The following COL13A1 variants were observed in gnomAD, a reference collection of about 807,000 sequenced individuals.
COL13A1 encodes collagen type XIII alpha 1 chain.
In COL13A1, 89 loss-of-function variants were observed where a neutral mutation model predicts 130.9. That is an observed-to-expected ratio of 0.68 (90% confidence interval 0.57 to 0.81). The LOEUF is 0.81. COL13A1 is among the 30% of genes least tolerant of loss of function. COL13A1 has a pLI of 0.00. For synonymous variants in COL13A1, 402 were observed against 341.6 expected, an observed-to-expected ratio of 1.18 and a Z score of -1.95; for missense variants, 879 against 934.6, an observed-to-expected ratio of 0.94 and a Z score of 0.78.
At chr10:69,849,647 G>A (rs891104493) in intron 2 of COL13A1, among the ~76,000 whole-genome samples, 13 of 152,216 alleles carry the variant, frequency 8.5e-5, no homozygotes, top group African/African-American at 2.9e-4. Flanking sequence ...TGTTGTGTTT[G>A]GGGGCTGAAG....
In COL13A1 at chr10:69,918,324, G is replaced by A. The variant is rs1243181804; in HGVS notation, c.999+7G>A. On this transcript the variant is annotated splice_region_variant and intron_variant, in intron 19 of 40. Transcript: ENST00000645393. ...TGCCGTGGCTGGGATGAAGGTCAGT[G>A]GACTGTTGTAACCAACACATCAGGG... is the stretch of plus-strand genomic sequence containing the variant. The A allele has an allele frequency of 5.6e-6, 9 of 1,613,004 alleles. No homozygotes were observed. The South Asian group carries it at 8.8e-5, about 16-fold the overall frequency.
At chr10:69,956,503 A>C (rs2070723176) in intron 39 of COL13A1, 1 of 158,270 alleles carries the variant, frequency 6.3e-6, no homozygotes. Context: ...CCCAGGATTA[A>C]TCATCAAAGA....
intron 15 of COL13A1, among the ~76,000 whole-genome samples, chr10:69,903,921 C>G (rs2062456492): frequency 6.6e-6 from 1 of 152,170 alleles, no homozygotes; most frequent in African/African-American, 2.4e-5. Flanking sequence ...CTTTCAATCT[C>G]AAAGCTTGTT....
At chr10:69,949,950 G>GCGTGTGTGTGTGTGTGCA (rs2069170276) in intron 38 of COL13A1, among the ~76,000 whole-genome samples, 2 of 107,402 alleles carry the variant, frequency 1.9e-5, no homozygotes, top group Non-Finnish European at 4.5e-5. Flanking sequence ...GTGTGTGTGC[G>GCGTGTGTGTGTGTGTGCA]TGTGTTTGTG....
At chr10:69,861,164 C>A (rs1857947372) in intron 2 of COL13A1, among the ~76,000 whole-genome samples, 1 of 152,162 alleles carries the variant, frequency 6.6e-6, no homozygotes, top group Non-Finnish European at 1.5e-5. Context: ...GTGAAGGGGG[C>A]ACCTCCAGAT....
chr10:69,810,541 A>G (rs886141368), intron 1 of COL13A1, among the ~76,000 whole-genome samples: 14 of 152,166 alleles, frequency 9.2e-5, no homozygotes, highest in African/African-American at 3.4e-4. Flanking sequence ...GGTTTGAAGA[A>G]GGGCAAGCAG....
intron 38 of COL13A1, among the ~76,000 whole-genome samples, chr10:69,949,967 T>TGTGTGTGTGCATGTGTTTGTGTGTGC (rs2069199972): frequency 8.2e-6 from 1 of 122,076 alleles, no homozygotes; most frequent in African/African-American, 3.9e-5. Flanking sequence ...TGTGTGTGCG[T>TGTGTGTGTGCATGTGTTTGTGTGTGC]GTGTGTGTGT....
At chr10:69,922,084 C>A in intron 22 of COL13A1, 149 bp downstream of exon 22, 1 of 1,104,746 alleles carries the variant, frequency 9.1e-7, no homozygotes, top group South Asian at 1.7e-5. Flanking sequence ...TTCTGTTTGT[C>A]GAGGGAGAGG....
In COL13A1 at chr10:69,813,883, T is replaced by C. The variant is rs1350589402; in HGVS notation, c.295-8486T>C. Among the ~76,000 whole-genome samples, 3 of 152,076 alleles carry C rather than the reference T, an allele frequency of 2.0e-5. No individual in the cohort carries two copies. In the East Asian group the frequency reaches 5.8e-4, roughly 29 times the overall value. On this transcript the variant is annotated intron_variant, in intron 1 of 40. Transcript: ENST00000645393. ...AGCAGCCAGGTCCTGCCTCTGTACCTCCTCACGGAAATGCCCTCCCTCCCC... is the reference window on the plus strand; with the variant it reads ...AGCAGCCAGGTCCTGCCTCTGTACCCCCTCACGGAAATGCCCTCCCTCCCC...
chr10:69,937,164 C>T (rs1225078817), intron 33 of COL13A1, among the ~76,000 whole-genome samples: 1 of 152,226 alleles, frequency 6.6e-6, no homozygotes, highest in Admixed American at 6.5e-5. Context: ...CTCTCCCGGC[C>T]TCCCCTGAAC....
At chr10:69,893,784 T>C (rs1159187176) in intron 10 of COL13A1, among the ~76,000 whole-genome samples, 2 of 152,176 alleles carry the variant, frequency 1.3e-5, no homozygotes, top group African/African-American at 4.8e-5. Flanking sequence ...ACTCGGGAGC[T>C]GGAGTGGACA....
intron 1 of COL13A1, among the ~76,000 whole-genome samples, chr10:69,812,491 T>C (rs1032717998): frequency 6.6e-6 from 1 of 152,228 alleles, no homozygotes; most frequent in Non-Finnish European, 1.5e-5. Context: ...ACTCCAGTAA[T>C]AGATCATCCA....
intron 2 of COL13A1, among the ~76,000 whole-genome samples, chr10:69,866,195 T>C (rs916653318): frequency 1.3e-5 from 2 of 152,208 alleles, no homozygotes; most frequent in African/African-American, 4.8e-5. Context: ...CTGCATCTGG[T>C]GACACCTATG....
intron 27 of COL13A1, 94 bp from the exon 28 acceptor site, chr10:69,928,843 T>A (rs1244388105): frequency 1.2e-6 from 1 of 847,926 alleles, no homozygotes; most frequent in South Asian, 1.8e-5. Context: ...AAACAACTTA[T>A]CTGTACAAGC....
intron 37 of COL13A1, among the ~76,000 whole-genome samples, chr10:69,946,485 G>A (rs145734624): frequency 5.4e-4 from 83 of 152,350 alleles, no homozygotes; most frequent in Middle Eastern, 3.4e-3. Flanking sequence ...GAGAGAGCCC[G>A]CACTTTAGTT....
intron 36 of COL13A1, 139 bp downstream of exon 36, chr10:69,944,317 G>C: frequency 1.3e-6 from 1 of 755,238 alleles, no homozygotes; most frequent in Non-Finnish European, 2.3e-6. Context: ...TGGGACAGGG[G>C]GTGCTGGTTG....
chr10:69,875,087 T>C, intron 4 of COL13A1, 41 bp from the exon 5 acceptor site: 1 of 1,613,814 alleles, frequency 6.2e-7, no homozygotes, highest in Non-Finnish European at 8.5e-7. Flanking sequence ...GCTAGCCTGG[T>C]TCCAACCACA....
Position 69,897,625 on chromosome 10 carries a change from G to T in COL13A1, c.685-1072G>T, listed in dbSNP as rs374765410. The T allele has an allele frequency of 2.1e-4, 288 of 1,392,402 alleles. 8 individuals carry two copies. In the South Asian group the frequency reaches 3.3e-3, roughly 16 times the overall value. 86.3% of individuals were successfully genotyped at this position (1,392,402 alleles called of 1,614,324 possible). A position where few individuals can be genotyped will look rare whatever the true frequency, so the allele number is the denominator to read the frequency against. ...TTGCACATCCCCAGGCCCCGGCAGTGGGAGCGGGTGGAGCTCTGTGTGCCA... is the reference window on the plus strand; with the variant it reads ...TTGCACATCCCCAGGCCCCGGCAGTTGGAGCGGGTGGAGCTCTGTGTGCCA... On this transcript the variant is annotated intron_variant, in intron 13 of 40. Transcript: ENST00000645393.
intron 36 of COL13A1, among the ~76,000 whole-genome samples, 166 bp downstream of exon 36, chr10:69,944,344 C>G (rs549200872): frequency 6.6e-6 from 1 of 152,170 alleles, no homozygotes; most frequent in South Asian, 2.1e-4. Flanking sequence ...TATGAGTTGA[C>G]AAGACTTGGA....
Sources: allele counts gnomAD v4.1 joint callset (sites outside exome capture counted in the v4.1 genomes callset), GRCh38; gene constraint gnomAD v4.1.1; transcripts MANE v1.5; gene names NCBI Gene and HGNC (gene_info 2026-07-23, HGNC 2026-07-21).